The following ESYT1 variants were observed in gnomAD, a reference collection of about 807,000 sequenced individuals.
ESYT1 encodes the protein extended synaptotagmin-1.
A neutral mutation model predicts 154.2 loss-of-function variants in ESYT1; 116 were observed. That is an observed-to-expected ratio of 0.75 (90% CI 0.65 to 0.88). The LOEUF is 0.88. Ranked by LOEUF, ESYT1 falls within the 40% of genes least tolerant of loss-of-function variation. The probability of loss-of-function intolerance (pLI) is 0.00; values close to 1 mark genes in which losing one functional copy is unlikely to be tolerated. For missense variants in ESYT1, 1,264 were observed against 1,379.3 expected, an observed-to-expected ratio of 0.92 and a Z score of 1.32; for synonymous variants, 500 against 539.9, an observed-to-expected ratio of 0.93 and a Z score of 1.02.
chr12:56,132,196 C>T lies in ESYT1; in HGVS notation c.861-13C>T, dbSNP rs748276386. The stretch of plus-strand genomic sequence containing the variant: ...TTGAGGCCATACCCACTCCTTTCTA[C>T]TCCCCCATTCAGCTCACTCTCTGAC... On this transcript the variant is annotated splice_polypyrimidine_tract_variant and intron_variant, in intron 7 of 30. Coordinates refer to ENST00000394048, the MANE Select transcript of ESYT1 (RefSeq NM_015292.3). 16 of 1,614,128 alleles carry T rather than the reference C, an allele frequency of 9.9e-6. 1 individual carries two copies. In the South Asian group the frequency reaches 1.5e-4, roughly 16 times the overall value.
intron 1 of ESYT1, 96 bp downstream of exon 1, chr12:56,128,805 C>A: frequency 6.7e-7 from 1 of 1,491,316 alleles, no homozygotes; most frequent in Non-Finnish European, 9.1e-7. Flanking sequence ...AGCTCCCTGC[C>A]TTGGGACAGT....
Position 56,138,266 on chromosome 12 carries a change from A to G in ESYT1, c.2331A>G (p.Leu777=). The G allele has an allele frequency of 6.2e-7, 1 of 1,614,126 alleles. No individual in the cohort carries two copies. The highest frequency in any genetic ancestry group is 8.5e-7 in the Non-Finnish European group (1 of 1,180,000). ...RLTPRPTAAE[L]EEVLQVNSLI... ...CCCCCCGTCCCACTGCTGCTGAGTTAGAGGAGGTAGGGCAGGAGACTTGAG... is the reference window on the plus strand; with the variant it reads ...CCCCCCGTCCCACTGCTGCTGAGTTGGAGGAGGTAGGGCAGGAGACTTGAG... Residue 777 remains leucine, a synonymous_variant, in exon 21 of 31, where the codon TTA becomes TTG. Coordinates refer to ENST00000394048, the MANE Select transcript of ESYT1 (RefSeq NM_015292.3).
Position 56,136,779 on chromosome 12 carries a change from A to G in ESYT1, c.1668A>G (p.Ala556=). The change falls in exon 16 of 31, where the codon GCA becomes GCG. Residue 556 remains alanine (A), a synonymous_variant. Coordinates refer to ENST00000394048, the MANE Select transcript of ESYT1 (RefSeq NM_015292.3). The part of the protein sequence containing the change: ...KDDSRALTLG[A]LTLPLARLLT... ...ATTCCAGGGCCCTGACTTTAGGAGC[A>G]CTGACGCTGCCTCTGGCCCGCCTGC... The G allele has an allele frequency of 1.2e-6, 2 of 1,612,396 alleles. No individual in the cohort carries two copies. The highest frequency in any genetic ancestry group is 1.7e-6 in the Non-Finnish European group (2 of 1,178,950).
Position 56,136,628 on chromosome 12 carries a change from CAGG to C in ESYT1, c.1633-112_1633-110del, listed in dbSNP as rs879164306. The C allele has an allele frequency of 9.2e-6, 7 of 761,634 alleles. No individual in the cohort carries two copies. In the South Asian group the frequency reaches 2.3e-4, roughly 25 times the overall value. The allele number at this position is 761,634 out of a possible 1,614,324, so 47.2% of individuals were successfully genotyped here. A position where few individuals can be genotyped will look rare whatever the true frequency, so the allele number is the denominator to read the frequency against. The stretch of plus-strand genomic sequence containing the variant: ...AAAAAAAAGATGGCCCTGAGTGGAG[CAGG>C]AGGTTTGTGATTGGTACAGAGAGGA... On this transcript the variant is annotated intron_variant, in intron 15 of 30. Coordinates refer to ENST00000394048, the MANE Select transcript of ESYT1 (RefSeq NM_015292.3).
In ESYT1 at chr12:56,131,226, T is replaced by C. The variant is rs1377223470; in HGVS notation, c.642-18T>C. On this transcript the variant is annotated intron_variant, in intron 4 of 30. Transcript: ENST00000394048. ...CCAAGGACTAACTCTCTTGGTTCTCTTCTTCACCAATCCCCAGCTATGTAG... is the reference window on the plus strand; with the variant it reads ...CCAAGGACTAACTCTCTTGGTTCTCCTCTTCACCAATCCCCAGCTATGTAG... 6.2e-7 allele frequency: 1 copy of C among 1,614,034 alleles called. No homozygotes were observed. The highest frequency in any genetic ancestry group is 8.5e-7 in the Non-Finnish European group (1 of 1,180,012).
At chr12:56,136,722 G>C in intron 15 of ESYT1, 22 bp from the exon 16 acceptor site, 1 of 1,579,492 alleles carries the variant, frequency 6.3e-7, no homozygotes, top group Non-Finnish European at 8.6e-7. Context: ...CTTCACTACA[G>C]TCCTTCCTCC....
At position 56,131,325 on chromosome 12, in the gene ESYT1, G is replaced by C; in HGVS notation, c.714+9G>C. On this transcript the variant is annotated intron_variant, in intron 5 of 30. Coordinates refer to ENST00000394048, the MANE Select transcript of ESYT1 (RefSeq NM_015292.3). Reference sequence around the variant, plus strand: ...GAGTCAAGGGCATGCAGGTAGGCCAGATGTCAGGGGCCACATAATAGGGAA... The same window carrying C: ...GAGTCAAGGGCATGCAGGTAGGCCACATGTCAGGGGCCACATAATAGGGAA... The C allele has an allele frequency of 6.2e-7, 1 of 1,614,180 alleles. No homozygotes were observed. Among genetic ancestry groups the C allele is most frequent in the South Asian group, 1.1e-5 (1 of 91,086 alleles).
rs1403944662 is a variant in ESYT1, at chr12:56,131,023, A to C, written c.568-17A>C. On this transcript the variant is annotated splice_polypyrimidine_tract_variant and intron_variant, in intron 3 of 30. Transcript: ENST00000394048. ...CTCCCTATCCCTGCCCTCTCTCAGG[A>C]ATTTCTCTCTCCCTAGCCATTGCGC... is the stretch of plus-strand genomic sequence containing the variant. The C allele has an allele frequency of 1.7e-5, 28 of 1,614,044 alleles. No individual in the cohort carries two copies. The highest frequency in any genetic ancestry group is 2.3e-5 in the Non-Finnish European group (27 of 1,180,026).
chr12:56,128,951 T>C, intron 1 of ESYT1: 3 of 548,690 alleles, frequency 5.5e-6, no homozygotes, highest in Non-Finnish European at 9.8e-6. Context: ...CAGGACTTCT[T>C]CCTCTACTTG....
chr12:56,130,346 A>C (rs1287783023), intron 1 of ESYT1: 2 of 596,630 alleles, frequency 3.4e-6, no homozygotes, highest in East Asian at 5.6e-5. Context: ...CACGTCCCTG[A>C]GCTATCCACA....
chr12:56,138,978 A>G lies in ESYT1; in HGVS notation c.2557A>G (p.Ile853Val). ...PVWDESASFL[I>V]RKPHTESLEL... ...CTGGGATGAGAGTGCCTCCTTTCTCATCAGGAAACCACACACTGAGAGCCT... is the reference window on the plus strand; with the variant it reads ...CTGGGATGAGAGTGCCTCCTTTCTCGTCAGGAAACCACACACTGAGAGCCT... Residue 853 changes from isoleucine (I) to valine (V), a missense_variant, in exon 24 of 31, where the codon ATC becomes GTC. Ile to Val is a conservative substitution (Grantham distance 29). Coordinates refer to ENST00000394048, the MANE Select transcript of ESYT1 (RefSeq NM_015292.3). 1 of 1,614,186 alleles carries G rather than the reference A, an allele frequency of 6.2e-7. No individual in the cohort carries two copies. Among genetic ancestry groups the G allele is most frequent in the South Asian group, 1.1e-5 (1 of 91,080 alleles).
At chr12:56,138,546 A>G in intron 22 of ESYT1, 47 bp downstream of exon 22, 1 of 1,526,358 alleles carries the variant, frequency 6.6e-7, no homozygotes, top group East Asian at 2.3e-5. Flanking sequence ...CCCTTCTTCC[A>G]CCTTCCTCCG....
chr12:56,139,329 C>T (rs750390588), intron 24 of ESYT1, among the ~76,000 whole-genome samples: 3 of 152,006 alleles, frequency 2.0e-5, no homozygotes, highest in Admixed American at 6.6e-5. Flanking sequence ...CCAGGCTGGT[C>T]TCGAACTCCT....
chr12:56,128,863 ACGCGCC>A, intron 1 of ESYT1, 154 bp downstream of exon 1: 1 of 913,720 alleles, frequency 1.1e-6, no homozygotes, highest in Non-Finnish European at 1.6e-6. Context: ...TGCCTGCTGG[ACGCGCC>A]ACTCTTGGAA....
At chr12:56,136,691 T>G in intron 15 of ESYT1, 53 bp from the exon 16 acceptor site, 1 of 1,498,660 alleles carries the variant, frequency 6.7e-7, no homozygotes, top group Non-Finnish European at 9.0e-7. Flanking sequence ...TTTCACAGTA[T>G]GCCTCCCTTT....
chr12:56,131,154 G>T, intron 4 of ESYT1, 41 bp downstream of exon 4: 1 of 1,612,940 alleles, frequency 6.2e-7, no homozygotes, highest in Non-Finnish European at 8.5e-7. Context: ...CCTTCAATGT[G>T]TCCTGTTCAG....
chr12:56,131,231 C>T lies in ESYT1; in HGVS notation c.642-13C>T. Reference sequence around the variant, plus strand: ...GACTAACTCTCTTGGTTCTCTTCTTCACCAATCCCCAGCTATGTAGGTGAT... The same window carrying T: ...GACTAACTCTCTTGGTTCTCTTCTTTACCAATCCCCAGCTATGTAGGTGAT... On this transcript the variant is annotated splice_polypyrimidine_tract_variant and intron_variant, in intron 4 of 30. Transcript: ENST00000394048. 2 of 1,614,206 alleles carry T rather than the reference C, an allele frequency of 1.2e-6. No individual in the cohort carries two copies. The highest frequency in any genetic ancestry group is 1.7e-6 in the Non-Finnish European group (2 of 1,180,022).
At chr12:56,133,065 G>A (rs925560519) in intron 10 of ESYT1, among the ~76,000 whole-genome samples, 6 of 151,948 alleles carry the variant, frequency 3.9e-5, no homozygotes, top group Non-Finnish European at 8.8e-5. Flanking sequence ...AGTTTGCAGT[G>A]AGCCGAGATC....
In ESYT1 at chr12:56,138,991, A is replaced by G; in HGVS notation, c.2570A>G (p.His857Arg). ...ESASFLIRKPHTESLELQVRG... is the reference protein window; with the variant it reads ...ESASFLIRKPRTESLELQVRG... The stretch of plus-strand genomic sequence containing the variant: ...GCCTCCTTTCTCATCAGGAAACCAC[A>G]CACTGAGAGCCTAGAGTTGCAGGTA... The change falls in exon 24 of 31, where the codon CAC (histidine) becomes CGC (arginine). Residue 857 changes from histidine (H) to arginine (R), a missense_variant. Transcript: ENST00000394048. 6.2e-7 allele frequency: 1 copy of G among 1,614,012 alleles called. No individual in the cohort carries two copies. The highest frequency in any genetic ancestry group is 8.5e-7 in the Non-Finnish European group (1 of 1,179,882).
Sources: allele counts gnomAD v4.1 joint callset (sites outside exome capture counted in the v4.1 genomes callset), GRCh38; gene constraint gnomAD v4.1.1; transcripts MANE v1.5; gene names NCBI Gene and HGNC (gene_info 2026-07-23, HGNC 2026-07-21).